EDDM13: variants seen among roughly 807,000 people sequenced by gnomAD.
The protein encoded by EDDM13 is epididymal protein 13.
A neutral mutation model predicts 17.8 loss-of-function variants in EDDM13; 24 were observed. The observed-to-expected ratio is 1.35, with a 90% CI of 0.98 to 1.90. The LOEUF (loss-of-function observed/expected upper bound fraction) is 1.90. Among genes scored for constraint, EDDM13 ranks in the 40% most tolerant of loss-of-function variants. The pLI is 0.00. For missense variants in EDDM13, 97 were observed against 100.8 expected (o/e 0.96, Z 0.16); for synonymous variants, 31 against 37.5 (o/e 0.83, Z 0.63).
chr19:56,294,951 T>C (rs531278915), intron 9 of EDDM13: 1 of 152,338 alleles, frequency 6.6e-6, no homozygotes, highest in African/African-American at 2.4e-5. Context: ...GGAAAGCAGC[T>C]TAGTGGTTGC....
chr19:56,291,683 A>T (rs570792437), intron 9 of EDDM13, among the ~76,000 whole-genome samples: 2 of 151,882 alleles, frequency 1.3e-5, no homozygotes, highest in East Asian at 3.9e-4. Context: ...TCCTGTTCTC[A>T]TCTCTGCCAA....
chr19:56,273,666 A>C (rs1473467204), intron 1 of EDDM13, among the ~76,000 whole-genome samples: 1 of 152,082 alleles, frequency 6.6e-6, no homozygotes, highest in Non-Finnish European at 1.5e-5. Context: ...CCTCCATCAG[A>C]GAGAGGCCGG....
At chr19:56,296,627 T>C (rs567546777) in intron 11 of EDDM13, among the ~76,000 whole-genome samples, 128 of 152,302 alleles carry the variant, frequency 8.4e-4, no homozygotes, top group African/African-American at 2.8e-3. Context: ...CAAGTGAAAC[T>C]TGTATTCCAA....
chr19:56,301,455 G>T (rs1337887077), intron 12 of EDDM13, among the ~76,000 whole-genome samples: 1 of 152,062 alleles, frequency 6.6e-6, no homozygotes, highest in Non-Finnish European at 1.5e-5. Context: ...GAGCAGTGAG[G>T]ACCACCAGAG....
chr19:56,283,084 A>G (rs1203824486), intron 4 of EDDM13: 1 of 152,230 alleles, frequency 6.6e-6, no homozygotes, highest in Non-Finnish European at 1.5e-5. Context: ...GGGCAATCTT[A>G]GAGAAGTCAC....
At chr19:56,302,535 C>CCTCCCCA (rs1202634682) in intron 13 of EDDM13, among the ~76,000 whole-genome samples, 1 of 92,740 alleles carries the variant, frequency 1.1e-5, no homozygotes. Flanking sequence ...CCTCCCTCTT[C>CCTCCCCA]TTCCTCCCCG....
At chr19:56,302,469 C>G (rs1330239258) in intron 13 of EDDM13, among the ~76,000 whole-genome samples, 1 of 146,646 alleles carries the variant, frequency 6.8e-6, no homozygotes, top group Non-Finnish European at 1.5e-5. Flanking sequence ...TGCTTCCTCC[C>G]TCCCTTCTTC....
intron 6 of EDDM13, among the ~76,000 whole-genome samples, chr19:56,287,430 C>A (rs1004511459): frequency 6.6e-6 from 1 of 152,142 alleles, no homozygotes; most frequent in African/African-American, 2.4e-5. Flanking sequence ...ACATTGCCTG[C>A]GGAGCTACAC....
In EDDM13 at chr19:56,282,479, G is replaced by A. The variant is rs931885582; in HGVS notation, c.110-12G>A. On this transcript the variant is annotated splice_polypyrimidine_tract_variant and intron_variant, in intron 3 of 14. Transcript: ENST00000649256. ...ATCGGTCCTGTCCTTCCTGCTGCTT[G>A]TCTGCCAACAGTGCTGAAAGGTAAG... 1.6e-5 allele frequency: 16 copies of A among 985,178 alleles called. No individual in the cohort carries two copies. In the African/African-American group the frequency reaches 2.4e-4, roughly 15 times the overall value. The allele number at this position is 985,178 out of a possible 1,614,324, so 61.0% of individuals were successfully genotyped here. A position where few individuals can be genotyped will look rare whatever the true frequency, so the allele number is the denominator to read the frequency against.
intron 9 of EDDM13, among the ~76,000 whole-genome samples, chr19:56,292,102 A>G (rs1293500942): frequency 1.3e-5 from 2 of 152,136 alleles, no homozygotes; most frequent in African/African-American, 2.4e-5. Flanking sequence ...CTGCTTAACC[A>G]CGGTGCTGTG....
chr19:56,301,675 T>A (rs956503254), intron 12 of EDDM13, among the ~76,000 whole-genome samples: 2 of 152,134 alleles, frequency 1.3e-5, no homozygotes, highest in African/African-American at 4.8e-5. Flanking sequence ...TCACTCTGGT[T>A]CAAACCCCTC....
In EDDM13 at chr19:56,304,838, A is replaced by G. The variant is rs2040578608; in HGVS notation, c.461+8A>G. 2 of 982,678 alleles carry G rather than the reference A, an allele frequency of 2.0e-6. No individual in the cohort carries two copies. The highest frequency in any genetic ancestry group is 4.7e-5 in the South Asian group (1 of 21,236). 60.9% of individuals were successfully genotyped at this position (982,678 alleles called of 1,614,324 possible). A position where few individuals can be genotyped will look rare whatever the true frequency, so the allele number is the denominator to read the frequency against. On this transcript the variant is annotated splice_region_variant and intron_variant, in intron 14 of 14. Transcript: ENST00000649256. Reference sequence around the variant, plus strand: ...CTTGGAACTGGACATCAGGTATGCTATGGCAGGGAAGTGGGCTTTTCCCAC... The same window carrying G: ...CTTGGAACTGGACATCAGGTATGCTGTGGCAGGGAAGTGGGCTTTTCCCAC...
intron 6 of EDDM13, among the ~76,000 whole-genome samples, 46 bp from the exon 7 acceptor site, chr19:56,288,339 C>T (rs2039277532): frequency 6.6e-6 from 1 of 152,178 alleles, no homozygotes; most frequent in Non-Finnish European, 1.5e-5. Context: ...TTTCCTGCCT[C>T]CTCTTCCAAA....
chr19:56,273,040 T>G (rs1180744371), intron 1 of EDDM13, 121 bp downstream of exon 1: 1 of 254,372 alleles, frequency 3.9e-6, no homozygotes, highest in Non-Finnish European at 6.2e-6. Flanking sequence ...GCTTCCCATT[T>G]AGACATTCAC....
chr19:56,302,723 C>T (rs1218229753), intron 13 of EDDM13: 7 of 374,576 alleles, frequency 1.9e-5, no homozygotes, highest in Non-Finnish European at 3.3e-5. Context: ...TCCCTCCCTC[C>T]CACCTCTAGA....
At chr19:56,298,933 C>A (rs2147232931) in intron 12 of EDDM13, among the ~76,000 whole-genome samples, 1 of 152,230 alleles carries the variant, frequency 6.6e-6, no homozygotes, top group East Asian at 1.9e-4. Context: ...GATGGAAAAT[C>A]CTAGACTAAA....
At chr19:56,309,061 T>C (rs1402760689) in intron 14 of EDDM13, among the ~76,000 whole-genome samples, 1 of 152,214 alleles carries the variant, frequency 6.6e-6, no homozygotes, top group Non-Finnish European at 1.5e-5. Context: ...ACCCAACAAC[T>C]GATGAAAGGA....
intron 1 of EDDM13, among the ~76,000 whole-genome samples, chr19:56,275,226 C>T (rs11670857): frequency 0.42 from 63,922 of 151,980 alleles, 14,594 homozygotes; most frequent in Non-Finnish European, 0.51. Context: ...ATACCCTGTT[C>T]TCCTCCAATT....
At chr19:56,302,583 CT>C (rs1236103869) in intron 13 of EDDM13, among the ~76,000 whole-genome samples, 1 of 59,262 alleles carries the variant, frequency 1.7e-5, no homozygotes, top group South Asian at 6.1e-4. Flanking sequence ...CTTCCTCCCC[CT>C]TTTCTTCCTC....
Sources: allele counts gnomAD v4.1 joint callset (sites outside exome capture counted in the v4.1 genomes callset), GRCh38; gene constraint gnomAD v4.1.1; transcripts MANE v1.5; gene names NCBI Gene and HGNC (gene_info 2026-07-23, HGNC 2026-07-21).